Variants in BNC2 observed in about 807,000 individuals in gnomAD.
BNC2 encodes zinc finger protein basonuclin-2.
In BNC2, 20 loss-of-function variants were observed where a neutral mutation model predicts 76.3. The observed-to-expected ratio is 0.26, with a 90% CI of 0.18 to 0.38. The LOEUF is 0.38. BNC2 is among the 10% of genes least tolerant of loss of function. The pLI is 1.00. For synonymous variants in BNC2, 582 were observed against 514.8 expected, an observed-to-expected ratio of 1.13 and a Z score of -1.77; for missense variants, 1,382 against 1,399.8, an observed-to-expected ratio of 0.99 and a Z score of 0.20.
intron 1 of BNC2, among the ~76,000 whole-genome samples, chr9:16,785,125 AC>A (rs1161258802): frequency 6.6e-6 from 1 of 152,204 alleles, no homozygotes; most frequent in African/African-American, 2.4e-5. Flanking sequence ...AAGAACGGGA[AC>A]TTTAAACCCA....
intron 5 of BNC2, among the ~76,000 whole-genome samples, chr9:16,488,087 G>C (rs1822203261): frequency 6.6e-6 from 1 of 152,126 alleles, no homozygotes; most frequent in Non-Finnish European, 1.5e-5. Flanking sequence ...ATTCCCCATA[G>C]CATGCAAAAA....
At chr9:16,850,481 C>A (rs926708512) in intron 1 of BNC2, among the ~76,000 whole-genome samples, 1 of 152,198 alleles carries the variant, frequency 6.6e-6, no homozygotes, top group Non-Finnish European at 1.5e-5. Flanking sequence ...AACAATGCTA[C>A]CATTGCTCAA....
At chr9:16,803,879 C>T (rs557313127) in intron 1 of BNC2, among the ~76,000 whole-genome samples, 1 of 152,294 alleles carries the variant, frequency 6.6e-6, no homozygotes, top group East Asian at 1.9e-4. Flanking sequence ...CTGAGTGAAT[C>T]GCTACCAGAT....
chr9:16,688,574 C>A (rs949640939), intron 3 of BNC2, among the ~76,000 whole-genome samples: 6 of 152,070 alleles, frequency 3.9e-5, no homozygotes, highest in African/African-American at 1.4e-4. Context: ...CTATATAGTA[C>A]AAAGTTCTAC....
chr9:16,800,089 G>C (rs1313265879), intron 1 of BNC2, among the ~76,000 whole-genome samples: 2 of 152,058 alleles, frequency 1.3e-5, no homozygotes, highest in African/African-American at 2.4e-5. Flanking sequence ...GCCAGGCATG[G>C]TAGCAGGCGC....
intron 3 of BNC2, among the ~76,000 whole-genome samples, chr9:16,607,142 A>G (rs577985171): frequency 1.3e-5 from 2 of 152,024 alleles, no homozygotes; most frequent in Admixed American, 1.3e-4. Flanking sequence ...ATTTATAGAA[A>G]CAGAGTCTCA....
At chr9:16,545,141 T>C (rs893545426) in intron 5 of BNC2, among the ~76,000 whole-genome samples, 1 of 152,186 alleles carries the variant, frequency 6.6e-6, no homozygotes, top group Non-Finnish European at 1.5e-5. Context: ...TATATACGTG[T>C]GTATGTGTAT....
chr9:16,749,784 G>C (rs7853897), intron 1 of BNC2, among the ~76,000 whole-genome samples: 130,795 of 152,014 alleles, frequency 0.86, 56,661 homozygotes, highest in Non-Finnish European at 0.91. Context: ...TAAGACATGA[G>C]ATTAGAAAGC....
chr9:16,836,989 C>CA (rs200429911), intron 1 of BNC2, among the ~76,000 whole-genome samples: 73 of 148,466 alleles, frequency 4.9e-4, no homozygotes, highest in South Asian at 2.1e-3. Context: ...TTGGCTCTGC[C>CA]AAAAAAAAAA....
At chr9:16,565,661 A>T (rs1035935451) in intron 4 of BNC2, among the ~76,000 whole-genome samples, 2 of 152,012 alleles carry the variant, frequency 1.3e-5, no homozygotes, top group African/African-American at 4.8e-5. Context: ...TACAAAAATT[A>T]GCCAGGCATT....
At chr9:16,569,043 T>C (rs936036321) in intron 4 of BNC2, among the ~76,000 whole-genome samples, 6 of 150,514 alleles carry the variant, frequency 4.0e-5, no homozygotes, top group African/African-American at 1.5e-4. Context: ...AAACGAATGG[T>C]ATTTAGCTAA....
At chr9:16,865,883 G>C (rs1343510753) in intron 1 of BNC2, among the ~76,000 whole-genome samples, 1 of 152,110 alleles carries the variant, frequency 6.6e-6, no homozygotes, top group Non-Finnish European at 1.5e-5. Flanking sequence ...TTCAAAACAA[G>C]GGAGGCTCTT....
chr9:16,454,581 G>A (rs1367302254), intron 5 of BNC2, among the ~76,000 whole-genome samples: 1 of 152,200 alleles, frequency 6.6e-6, no homozygotes, highest in African/African-American at 2.4e-5. Flanking sequence ...TGGGATTACA[G>A]GCGTGAGCCA....
intron 5 of BNC2, among the ~76,000 whole-genome samples, chr9:16,464,326 T>C (rs557980846): frequency 6.6e-6 from 1 of 152,190 alleles, no homozygotes; most frequent in Admixed American, 6.5e-5. Flanking sequence ...TACAGTGTCT[T>C]TGCCATTCAG....
intron 5 of BNC2, among the ~76,000 whole-genome samples, chr9:16,497,164 T>C (rs1720541252): frequency 6.6e-6 from 1 of 152,228 alleles, no homozygotes; most frequent in East Asian, 1.9e-4. Flanking sequence ...GGAGCTCTAA[T>C]ATCAGAAAGG....
intron 3 of BNC2, among the ~76,000 whole-genome samples, chr9:16,707,026 C>A (rs894720220): frequency 2.6e-5 from 4 of 152,276 alleles, no homozygotes; most frequent in Non-Finnish European, 5.9e-5. Context: ...CACGGTGAAA[C>A]CCCGTCTCTA....
chr9:16,733,684 C>A (rs2135064258), intron 2 of BNC2, among the ~76,000 whole-genome samples: 1 of 152,198 alleles, frequency 6.6e-6, no homozygotes, highest in East Asian at 1.9e-4. Flanking sequence ...TGATATGAAG[C>A]CATCTCTACT....
chr9:16,741,931 C>T (rs1314527327), intron 1 of BNC2, among the ~76,000 whole-genome samples: 2 of 112,112 alleles, frequency 1.8e-5, no homozygotes, highest in Non-Finnish European at 3.4e-5. Flanking sequence ...GCACTGCAGC[C>T]TGGGTGACAA....
At chr9:16,755,455 A>G (rs149816764) in intron 1 of BNC2, among the ~76,000 whole-genome samples, 144 of 152,292 alleles carry the variant, frequency 9.5e-4, no homozygotes, top group African/African-American at 3.2e-3. Context: ...AAAAGATGAA[A>G]GTGTCGACCA....
Sources: gnomAD v4.1 joint callset for allele counts (sites outside exome capture counted in the v4.1 genomes callset) on GRCh38, gnomAD v4.1.1 for gene constraint, MANE v1.5 for transcripts, NCBI Gene and HGNC (gene_info 2026-07-23, HGNC 2026-07-21) for gene names.